Variants in ADRA1B observed in about 807,000 individuals in gnomAD.
ADRA1B encodes alpha-1B adrenergic receptor.
ADRA1B carries 17 observed loss-of-function variants against 17.9 expected under a neutral mutation model. That is an observed-to-expected ratio of 0.95 (90% CI 0.65 to 1.42). The LOEUF (loss-of-function observed/expected upper bound fraction) is 1.42. Among genes scored for constraint, ADRA1B ranks in the 40% most tolerant of loss-of-function variants. The pLI is 0.00. For missense variants in ADRA1B, 681 were observed against 722.1 expected, an observed-to-expected ratio of 0.94 and a Z score of 0.65; for synonymous variants, 366 against 327.6, an observed-to-expected ratio of 1.12 and a Z score of -1.27.
At chr5:159,901,007 T>C (rs1754094830) in intron 1 of ADRA1B, among the ~76,000 whole-genome samples, 1 of 152,192 alleles carries the variant, frequency 6.6e-6, no homozygotes, top group Non-Finnish European at 1.5e-5. Context: ...CTGAGGTGAC[T>C]ACTCCGAAGG....
chr5:159,895,057 T>G (rs765839536), intron 1 of ADRA1B, among the ~76,000 whole-genome samples: 1 of 152,258 alleles, frequency 6.6e-6, no homozygotes, highest in African/African-American at 2.4e-5. Context: ...ATGATATCTT[T>G]GTAATACACA....
chr5:159,936,006 A>G (rs1561598952), intron 1 of ADRA1B, among the ~76,000 whole-genome samples: 1 of 152,184 alleles, frequency 6.6e-6, no homozygotes, highest in African/African-American at 2.4e-5. Flanking sequence ...CTTTTCTCCC[A>G]TCTCTAAAAT....
chr5:159,936,549 C>A (rs1188477600), intron 1 of ADRA1B, among the ~76,000 whole-genome samples: 2 of 151,994 alleles, frequency 1.3e-5, no homozygotes, highest in Non-Finnish European at 2.9e-5. Context: ...AACTTTCAGA[C>A]TGATAGATTA....
At chr5:159,924,675 G>T (rs552305856) in intron 1 of ADRA1B, among the ~76,000 whole-genome samples, 1 of 152,190 alleles carries the variant, frequency 6.6e-6, no homozygotes, top group Non-Finnish European at 1.5e-5. Context: ...AGAAATGCCA[G>T]CAGGTGCGTG....
chr5:159,867,307 C>T (rs760987893), intron 1 of ADRA1B, among the ~76,000 whole-genome samples: 2 of 152,128 alleles, frequency 1.3e-5, no homozygotes, highest in Non-Finnish European at 2.9e-5. Flanking sequence ...CATTCTACCC[C>T]GTGTCCCAAG....
intron 1 of ADRA1B, among the ~76,000 whole-genome samples, chr5:159,947,298 C>A (rs1466262382): frequency 1.3e-5 from 2 of 151,944 alleles, no homozygotes; most frequent in Non-Finnish European, 2.9e-5. Flanking sequence ...TACAAGATCG[C>A]ACCACCGCAC....
At chr5:159,943,941 A>AAC (rs1323571329) in intron 1 of ADRA1B, among the ~76,000 whole-genome samples, 17 of 121,910 alleles carry the variant, frequency 1.4e-4, no homozygotes, top group South Asian at 2.7e-4. Flanking sequence ...CACACACACA[A>AAC]ACACACACAC....
chr5:159,958,248 G>T (rs933423529), intron 1 of ADRA1B, among the ~76,000 whole-genome samples: 5 of 152,082 alleles, frequency 3.3e-5, no homozygotes, highest in African/African-American at 1.2e-4. Flanking sequence ...ATAAAGTAAA[G>T]ATCCAGCCTT....
rs1561603624 is a variant in ADRA1B, at chr5:159,945,756, T to TTTG, written c.950-26121_950-26120insGTT. Among the ~76,000 whole-genome samples the TTTG allele has an allele frequency of 2.1e-5, 3 of 139,934 alleles. No individual in the cohort carries two copies. The East Asian group carries it at 5.8e-4, about 27-fold the overall frequency. The allele number at this position is 139,934 out of a possible 152,430, so 91.8% of individuals were successfully genotyped here. On this transcript the variant is annotated intron_variant, in intron 1 of 1. Coordinates refer to ENST00000306675, the MANE Select transcript of ADRA1B (RefSeq NM_000679.4). ...GGTGGGTTTTTTTGTTTGTTTGTTT[T>TTTG]TTTTTTTTTGAGACGGAGTCTTGCT...
In ADRA1B at chr5:159,972,359, A is replaced by G. The variant is rs1561613212; in HGVS notation, c.1430A>G (p.Lys477Arg). The change falls in exon 2 of 2, where the codon AAG (lysine) becomes AGG (arginine). Residue 477 changes from lysine (K) to arginine (R), a missense_variant. Coordinates refer to ENST00000306675, the MANE Select transcript of ADRA1B (RefSeq NM_000679.4). ...RHDSGPLFTF[K>R]LLTEPESPGT... is the part of the protein sequence containing the mutation. ...GACTCGGGCCCGCTCTTCACCTTCA[A>G]GCTCCTGACCGAGCCCGAGAGCCCC... 1 of 1,504,674 alleles carries G rather than the reference A, an allele frequency of 6.6e-7. No homozygotes were observed. The highest frequency in any genetic ancestry group is 8.8e-7 in the Non-Finnish European group (1 of 1,133,544). 93.2% of individuals were successfully genotyped at this position (1,504,674 alleles called of 1,614,324 possible). A position where few individuals can be genotyped will look rare whatever the true frequency, so the allele number is the denominator to read the frequency against.
At chr5:159,953,476 C>T (rs1451736329) in intron 1 of ADRA1B, among the ~76,000 whole-genome samples, 4 of 152,196 alleles carry the variant, frequency 2.6e-5, no homozygotes, top group Non-Finnish European at 5.9e-5. Flanking sequence ...CCATCTTCTT[C>T]TAGACACCCC....
At chr5:159,902,642 G>T (rs1331826157) in intron 1 of ADRA1B, among the ~76,000 whole-genome samples, 1 of 152,198 alleles carries the variant, frequency 6.6e-6, no homozygotes, top group Admixed American at 6.5e-5. Flanking sequence ...CAACAGCCCA[G>T]TTGATGGTAG....
chr5:159,965,583 C>T (rs993784086), intron 1 of ADRA1B, among the ~76,000 whole-genome samples: 3 of 152,218 alleles, frequency 2.0e-5, no homozygotes, highest in Admixed American at 6.5e-5. Flanking sequence ...TGTTACTTAA[C>T]GACAGCTTCT....
chr5:159,972,140 A>G lies in ADRA1B; in HGVS notation c.1211A>G (p.Lys404Arg), dbSNP rs911978057. 12 of 1,348,512 alleles carry G rather than the reference A, an allele frequency of 8.9e-6. No individual in the cohort carries two copies. Among genetic ancestry groups the G allele is most frequent in the Non-Finnish European group, 1.2e-5 (12 of 1,039,718 alleles). The allele number at this position is 1,348,512 out of a possible 1,614,324, so 83.5% of individuals were successfully genotyped here. Reference sequence around the variant, plus strand: ...TCGCTGGAGCGCTCGCAGTCGCGCAAGGACTCGCTGGACGACAGCGGCAGC... The same window carrying G: ...TCGCTGGAGCGCTCGCAGTCGCGCAGGGACTCGCTGGACGACAGCGGCAGC... ...GGSLERSQSRKDSLDDSGSCL... is the reference protein window; with the variant it reads ...GGSLERSQSRRDSLDDSGSCL... The change falls in exon 2 of 2, where the codon AAG becomes AGG. Residue 404 changes from lysine (K) to arginine (R), a missense_variant. By Grantham distance (26) the Lys-to-Arg change is conservative (BLOSUM62 2). Transcript: ENST00000306675.
chr5:159,960,191 A>G (rs1755642056), intron 1 of ADRA1B, among the ~76,000 whole-genome samples: 1 of 152,210 alleles, frequency 6.6e-6, no homozygotes, highest in African/African-American at 2.4e-5. Flanking sequence ...GGTTATGAGA[A>G]GAAAGAATTT....
At chr5:159,910,170 A>T (rs1047353427) in intron 1 of ADRA1B, among the ~76,000 whole-genome samples, 5 of 152,244 alleles carry the variant, frequency 3.3e-5, no homozygotes, top group East Asian at 3.8e-4. Context: ...TTTACGAGCC[A>T]GCTCCCAGCC....
chr5:159,972,265 G>A lies in ADRA1B; in HGVS notation c.1336G>A (p.Glu446Lys), dbSNP rs1190964921. The A allele has an allele frequency of 1.5e-6, 2 of 1,357,494 alleles. No individual in the cohort carries two copies. The highest frequency in any genetic ancestry group is 1.9e-6 in the Non-Finnish European group (2 of 1,056,506). 84.1% of individuals were successfully genotyped at this position (1,357,494 alleles called of 1,614,324 possible). The change falls in exon 2 of 2, where the codon GAG becomes AAG. Residue 446 changes from glutamate (E) to lysine (K), a missense_variant. This residue lies in a region of ADRA1B where 251 missense variants were observed against 224.9 expected (regional missense o/e 1.12). Coordinates refer to ENST00000306675, the MANE Select transcript of ADRA1B (RefSeq NM_000679.4). ...GCCAGTCGAGCTGTGCGCCTTCCCC[G>A]AGTGGAAGGCGCCCGGCGCCCTCCT... ...PPPVELCAFP[E>K]WKAPGALLSL...
chr5:159,959,505 A>C lies in ADRA1B; in HGVS notation c.950-12374A>C, dbSNP rs568785165. ...CATGAACAAGAAAGACAAACCCTTA[A>C]ATAAGTTCAACTGTTATGATGGAAA... On this transcript the variant is annotated intron_variant, in intron 1 of 1. Coordinates refer to ENST00000306675, the MANE Select transcript of ADRA1B (RefSeq NM_000679.4). Among the ~76,000 whole-genome samples the C allele has an allele frequency of 8.5e-5, 13 of 152,352 alleles. No individual in the cohort carries two copies. In the South Asian group the frequency reaches 2.7e-3, roughly 32 times the overall value.
chr5:159,985,107 C>A, the ADRA1B span, among the ~76,000 whole-genome samples: 10 of 151,954 alleles, frequency 6.6e-5, no homozygotes, highest in Admixed American at 4.6e-4. Context: ...AGGGACAGTC[C>A]CTTCTTAGGG....
Sources: gnomAD v4.1 joint callset for allele counts (sites outside exome capture counted in the v4.1 genomes callset) on GRCh38, gnomAD v4.1.1 for gene constraint, gnomAD v4.1.1 regional missense constraint, MANE v1.5 for transcripts, NCBI Gene and HGNC (gene_info 2026-07-23, HGNC 2026-07-21) for gene names.